Variants in BAIAP2L1 observed in about 807,000 individuals in gnomAD.
The protein encoded by BAIAP2L1 is BAR/IMD domain containing adaptor protein 2 like 1, also known as BAR/IMD domain-containing adapter protein 2-like 1.
BAIAP2L1 carries 35 observed loss-of-function variants against 66.3 expected under a neutral mutation model. The observed-to-expected ratio is 0.53, with a 90% CI of 0.40 to 0.70. The LOEUF is 0.70. BAIAP2L1 is among the 30% of genes least tolerant of loss of function. The pLI, the probability that BAIAP2L1 is intolerant of heterozygous loss-of-function variation, is 0.00. For missense variants in BAIAP2L1, 622 were observed against 656.9 expected (o/e 0.95, Z 0.58); for synonymous variants, 269 against 248.7 (o/e 1.08, Z -0.77).
At chr7:98,323,445 T>A (rs762391598) in intron 3 of BAIAP2L1, 2 of 152,232 alleles carry the variant, frequency 1.3e-5, no homozygotes, top group African/African-American at 2.4e-5. Flanking sequence ...GCTCAAAGCA[T>A]TCGGTGATTT....
chr7:98,397,203 G>A (rs1376888089), intron 1 of BAIAP2L1, among the ~76,000 whole-genome samples: 1 of 151,162 alleles, frequency 6.6e-6, no homozygotes, highest in East Asian at 2.0e-4. Flanking sequence ...ATACTTCCTT[G>A]AGGTGACACT....
rs146986747 is a variant in BAIAP2L1, at chr7:98,305,291, A to G, written c.1242-915T>C. On this transcript the variant is annotated intron_variant, in intron 11 of 13. Transcript: ENST00000005260. ...CTAAGGAAAGAAATTGGAGACTAGC[A>G]AAAGCTGGAGTGAGCAATGAGCTAA... Among the ~76,000 whole-genome samples the G allele has an allele frequency of 4.6e-3, 691 of 151,352 alleles. 4 individuals are homozygous for G. Among genetic ancestry groups the G allele is most frequent in the African/African-American group, 0.016 (659 of 41,228 alleles).
At chr7:98,310,659 G>T in intron 8 of BAIAP2L1, 67 bp from the exon 9 acceptor site, 2 of 1,290,396 alleles carry the variant, frequency 1.5e-6, no homozygotes, top group Non-Finnish European at 2.1e-6. Flanking sequence ...AGATTCCCAA[G>T]GCTGTTTTTT....
intron 1 of BAIAP2L1, among the ~76,000 whole-genome samples, chr7:98,379,880 AT>A: frequency 6.6e-6 from 1 of 152,322 alleles, no homozygotes; most frequent in East Asian, 1.9e-4. Flanking sequence ...CAGAAAATCT[AT>A]TAGTGGTTGC....
intron 5 of BAIAP2L1, 138 bp downstream of exon 5, chr7:98,319,920 G>C: frequency 1.4e-6 from 1 of 740,032 alleles, no homozygotes; most frequent in Non-Finnish European, 2.3e-6. Context: ...GAGCTTGTCG[G>C]TTTCATGCAT....
chr7:98,358,568 G>A (rs1802194516), intron 2 of BAIAP2L1, among the ~76,000 whole-genome samples: 1 of 151,588 alleles, frequency 6.6e-6, no homozygotes, highest in African/African-American at 2.4e-5. Flanking sequence ...TGTTGCCCAG[G>A]CTGGTCTTGA....
intron 3 of BAIAP2L1, among the ~76,000 whole-genome samples, chr7:98,350,828 G>T (rs1272868406): frequency 6.6e-6 from 1 of 151,960 alleles, no homozygotes; most frequent in African/African-American, 2.4e-5. Flanking sequence ...AAAAGTGGGA[G>T]GGCCCTGGAA....
intron 1 of BAIAP2L1, among the ~76,000 whole-genome samples, chr7:98,397,536 G>A (rs1464792978): frequency 1.3e-5 from 2 of 151,946 alleles, no homozygotes; most frequent in Admixed American, 1.3e-4. Context: ...TGTTGGCCAG[G>A]ACGGTCTCGA....
chr7:98,365,905 G>C (rs987136981), intron 1 of BAIAP2L1, among the ~76,000 whole-genome samples: 1 of 152,138 alleles, frequency 6.6e-6, no homozygotes, highest in African/African-American at 2.4e-5. Context: ...ACCTTTCACT[G>C]TTTGATATCC....
chr7:98,333,198 G>A (rs2115595179), intron 3 of BAIAP2L1, among the ~76,000 whole-genome samples: 1 of 152,178 alleles, frequency 6.6e-6, no homozygotes, highest in South Asian at 2.1e-4. Flanking sequence ...TTGTTTATCT[G>A]TCCACCCCAC....
intron 12 of BAIAP2L1, 109 bp from the exon 13 acceptor site, chr7:98,294,220 T>C: frequency 1.8e-6 from 2 of 1,105,940 alleles, no homozygotes; most frequent in East Asian, 5.2e-5. Flanking sequence ...TTCGAACTCC[T>C]GAGCTCACGT....
intron 3 of BAIAP2L1, among the ~76,000 whole-genome samples, chr7:98,340,437 G>A (rs1336664391): frequency 6.6e-6 from 1 of 151,940 alleles, no homozygotes; most frequent in South Asian, 2.1e-4. Flanking sequence ...ACAGGCGCCC[G>A]CCACCACTCC....
intron 1 of BAIAP2L1, among the ~76,000 whole-genome samples, chr7:98,394,902 G>A (rs1314775598): frequency 6.6e-6 from 1 of 152,104 alleles, no homozygotes; most frequent in Non-Finnish European, 1.5e-5. Context: ...ACCTGAGGTC[G>A]GGAGTTCGAG....
Position 98,292,626 on chromosome 7 carries a change from C to T in BAIAP2L1, c.*895G>A, listed in dbSNP as rs753296628. On this transcript the variant is annotated 3_prime_UTR_variant, in exon 14 of 14. Transcript: ENST00000005260. ...ATCATGGCTGCTAGGCTGAAAAACCCGCCCTTCTCCAGGCACCAGAGGTCA... is the reference window on the plus strand; with the variant it reads ...ATCATGGCTGCTAGGCTGAAAAACCTGCCCTTCTCCAGGCACCAGAGGTCA... 92 of 1,551,472 alleles carry T rather than the reference C, an allele frequency of 5.9e-5. No homozygotes were observed. The highest frequency in any genetic ancestry group is 4.3e-4 in the Admixed American group (22 of 50,978).
At chr7:98,374,741 C>CCT (rs754630499) in intron 1 of BAIAP2L1, among the ~76,000 whole-genome samples, 5 of 151,838 alleles carry the variant, frequency 3.3e-5, no homozygotes, top group African/African-American at 1.2e-4. Context: ...TACGTCTGAC[C>CCT]CTCTCTCTCT....
chr7:98,298,003 G>T (rs1313289412), intron 12 of BAIAP2L1, among the ~76,000 whole-genome samples: 2 of 152,204 alleles, frequency 1.3e-5, no homozygotes, highest in African/African-American at 4.8e-5. Context: ...GGCCAAGGCA[G>T]GAGGACTGCC....
intron 3 of BAIAP2L1, among the ~76,000 whole-genome samples, chr7:98,349,585 C>T (rs911708097): frequency 6.6e-6 from 1 of 152,034 alleles, no homozygotes; most frequent in Non-Finnish European, 1.5e-5. Flanking sequence ...GAAAAGTCCC[C>T]TGTCAGCCTG....
intron 1 of BAIAP2L1, among the ~76,000 whole-genome samples, chr7:98,373,547 C>T (rs1010839539): frequency 1.3e-5 from 2 of 152,162 alleles, no homozygotes; most frequent in Admixed American, 6.6e-5. Context: ...CAAATCACAT[C>T]ACCACCTCTG....
At position 98,306,099 on chromosome 7, in the gene BAIAP2L1, G is replaced by T. The variant is rs75117480; in HGVS notation, c.1241+340C>A. Among the ~76,000 whole-genome samples the T allele has an allele frequency of 5.3e-3, 810 of 152,268 alleles. 3 individuals carry two copies. The highest frequency in any genetic ancestry group is 7.5e-3 in the Non-Finnish European group (508 of 68,032). Reference sequence around the variant, plus strand: ...AGAAAAAGCATACAACAGCGTTAAGGGCTGTAAGATAAGAACGGTAAGATA... The same window carrying T: ...AGAAAAAGCATACAACAGCGTTAAGTGCTGTAAGATAAGAACGGTAAGATA... On this transcript the variant is annotated intron_variant, in intron 11 of 13. Coordinates refer to ENST00000005260, the MANE Select transcript of BAIAP2L1 (RefSeq NM_018842.5).
Sources: allele counts gnomAD v4.1 joint callset (sites outside exome capture counted in the v4.1 genomes callset), GRCh38; gene constraint gnomAD v4.1.1; transcripts MANE v1.5; gene names NCBI Gene and HGNC (gene_info 2026-07-23, HGNC 2026-07-21).